Variants in LRPPRC observed in about 807,000 individuals in gnomAD.
The protein encoded by LRPPRC is leucine-rich PPR motif-containing protein, mitochondrial.
A neutral mutation model predicts 180.3 loss-of-function variants in LRPPRC; 120 were observed. The ratio of observed to expected loss-of-function variants is 0.67; its 90% confidence interval spans 0.57 to 0.77. The LOEUF is 0.77. LRPPRC is among the 30% of genes least tolerant of loss of function. The pLI, the probability that LRPPRC is intolerant of heterozygous loss-of-function variation, is 0.00. For synonymous variants in LRPPRC, 723 were observed against 600.0 expected (o/e 1.21, Z -3.00); for missense variants, 2,012 against 1,657.2 (o/e 1.21, Z -3.72).
chr2:43,896,595 T>C, intron 35 of LRPPRC, 39 bp downstream of exon 35: 1 of 1,231,244 alleles, frequency 8.1e-7, no homozygotes, highest in South Asian at 1.2e-5. Flanking sequence ...GCAAGGCACG[T>C]ACAGTATCAT....
chr2:43,948,317 G>A (rs1388079010), intron 17 of LRPPRC, 95 bp downstream of exon 17: 3 of 916,352 alleles, frequency 3.3e-6, no homozygotes, highest in Admixed American at 1.7e-5. Flanking sequence ...ATGTCATTGA[G>A]AAGTGGTCTG....
At chr2:43,996,045 G>A (rs995382005), upstream of LRPPRC, 8 of 1,287,558 alleles carry the variant, frequency 6.2e-6, no homozygotes, top group Non-Finnish European at 8.5e-6. Context: ...CCAACTGCCG[G>A]GCGTGCCAAA....
intron 29 of LRPPRC, among the ~76,000 whole-genome samples, chr2:43,916,449 G>T (rs1271761319): frequency 6.6e-6 from 1 of 152,056 alleles, no homozygotes; most frequent in Non-Finnish European, 1.5e-5. Flanking sequence ...TAGAGAAAGG[G>T]AAAGAGTCAA....
intron 34 of LRPPRC, 111 bp downstream of exon 34, chr2:43,899,108 G>T: frequency 1.3e-6 from 1 of 755,094 alleles, no homozygotes; most frequent in Non-Finnish European, 2.3e-6. Context: ...CAAGCTAGCT[G>T]CACACCACAC....
At chr2:43,959,506 T>G (rs1673252789) in intron 13 of LRPPRC, among the ~76,000 whole-genome samples, 1 of 152,230 alleles carries the variant, frequency 6.6e-6, no homozygotes, top group African/African-American at 2.4e-5. Flanking sequence ...GTCTGTGTTT[T>G]GTTTGTAAAT....
intron 27 of LRPPRC, among the ~76,000 whole-genome samples, chr2:43,920,778 C>T (rs1420786498): frequency 6.6e-6 from 1 of 151,694 alleles, no homozygotes; most frequent in Non-Finnish European, 1.5e-5. Context: ...TGTGGGAAGA[C>T]AGGGAAGGTT....
At chr2:43,922,833 G>C (rs190731395) in intron 27 of LRPPRC, among the ~76,000 whole-genome samples, 2 of 152,106 alleles carry the variant, frequency 1.3e-5, no homozygotes, top group Non-Finnish European at 2.9e-5. Context: ...ATGCAGAAGG[G>C]GATAGCTTGC....
At chr2:43,924,318 T>A (rs920465731) in intron 27 of LRPPRC, among the ~76,000 whole-genome samples, 10 of 152,160 alleles carry the variant, frequency 6.6e-5, no homozygotes, top group African/African-American at 2.4e-4. Flanking sequence ...TGTACACTAG[T>A]ATAAAAGTAC....
At chr2:43,939,168 C>A (rs569973963) in intron 23 of LRPPRC, among the ~76,000 whole-genome samples, 97 of 151,356 alleles carry the variant, frequency 6.4e-4, no homozygotes, top group Non-Finnish European at 1.2e-3. Flanking sequence ...GTAGTCCCAG[C>A]TACTCGGGAG....
intron 15 of LRPPRC, among the ~76,000 whole-genome samples, chr2:43,949,977 G>C (rs1672836863): frequency 6.6e-6 from 1 of 152,110 alleles, no homozygotes; most frequent in African/African-American, 2.4e-5. Context: ...ATAGAAAAGA[G>C]CTTATAGGAA....
intron 27 of LRPPRC, 142 bp from the exon 28 acceptor site, chr2:43,918,540 G>A (rs899098161): frequency 1.4e-5 from 10 of 691,370 alleles, no homozygotes; most frequent in East Asian, 2.7e-5. Flanking sequence ...AAAAGTGACC[G>A]TGACCCGAAG....
chr2:43,944,814 T>C (rs1376564674), intron 22 of LRPPRC, among the ~76,000 whole-genome samples: 1 of 152,094 alleles, frequency 6.6e-6, no homozygotes, highest in Non-Finnish European at 1.5e-5. Context: ...ATCAGCTGTG[T>C]AATCAGCTAT....
chr2:43,918,802 T>TATAG (rs1384664929), intron 27 of LRPPRC, among the ~76,000 whole-genome samples: 3 of 135,748 alleles, frequency 2.2e-5, no homozygotes, highest in Admixed American at 7.3e-5. Flanking sequence ...GATATATATA[T>TATAG]ATATATAGAT....
At chr2:43,898,356 A>G (rs1223405944) in intron 34 of LRPPRC, among the ~76,000 whole-genome samples, 1 of 152,200 alleles carries the variant, frequency 6.6e-6, no homozygotes, top group African/African-American at 2.4e-5. Flanking sequence ...GATCTTTCAC[A>G]GCTGGTAAAA....
intron 1 of LRPPRC, among the ~76,000 whole-genome samples, chr2:43,982,643 G>A (rs1392410275): frequency 2.6e-5 from 4 of 152,140 alleles, no homozygotes; most frequent in African/African-American, 7.2e-5. Context: ...TATATGCACA[G>A]TAAATCTCCT....
chr2:43,956,760 G>A (rs944512755), intron 14 of LRPPRC, among the ~76,000 whole-genome samples: 1 of 151,992 alleles, frequency 6.6e-6, no homozygotes, highest in African/African-American at 2.4e-5. Context: ...CGTGGTGGTG[G>A]GCACCGGTAG....
chr2:43,989,306 C>G (rs1390985669), intron 1 of LRPPRC, among the ~76,000 whole-genome samples: 3 of 152,130 alleles, frequency 2.0e-5, no homozygotes, highest in Non-Finnish European at 4.4e-5. Context: ...TACTAGCCAC[C>G]CTTCTACACT....
chr2:43,948,489 T>A lies in LRPPRC; in HGVS notation c.1765A>T (p.Ile589Phe), dbSNP rs760086210. 7 of 1,609,766 alleles carry A rather than the reference T, an allele frequency of 4.3e-6. No individual in the cohort carries two copies. The highest frequency in any genetic ancestry group is 4.0e-5 in the African/African-American group (3 of 74,826). ...EAVGYFLYNLIDSMSDSEVQA... is the reference protein window; with the variant it reads ...EAVGYFLYNLFDSMSDSEVQA... ...ACCTCTGAGTCACTCATGCTGTCAA[T>A]CAAGTTATAAAGAAAATAGCCAACA... The change falls in exon 17 of 38, where the codon ATT becomes TTT. Residue 589 changes from isoleucine (I) to phenylalanine (F), a missense_variant. Transcript: ENST00000260665.
chr2:43,935,746 C>A (rs1051251369), intron 23 of LRPPRC, among the ~76,000 whole-genome samples: 1 of 151,960 alleles, frequency 6.6e-6, no homozygotes, highest in Non-Finnish European at 1.5e-5. Flanking sequence ...TCTCTCTTAC[C>A]ATACTGAAAT....
Sources: allele counts gnomAD v4.1 joint callset (sites outside exome capture counted in the v4.1 genomes callset), GRCh38; gene constraint gnomAD v4.1.1; transcripts MANE v1.5; gene names NCBI Gene and HGNC (gene_info 2026-07-23, HGNC 2026-07-21).